CHRNA5: variants seen among roughly 807,000 people sequenced by gnomAD.
The protein encoded by CHRNA5 is neuronal acetylcholine receptor subunit alpha-5.
Under a neutral mutation model 41.2 loss-of-function variants are expected in CHRNA5, and 28 were observed. The ratio of observed to expected loss-of-function variants is 0.68; its 90% CI spans 0.50 to 0.93. The LOEUF (loss-of-function observed/expected upper bound fraction) is 0.93, where lower values mean the gene tolerates loss of function less well. CHRNA5 is among the 40% of genes least tolerant of loss of function. The pLI, the probability that CHRNA5 is intolerant of heterozygous loss-of-function variation, is 0.00. For synonymous variants in CHRNA5, 188 were observed against 205.8 expected (o/e 0.91, Z 0.74); for missense variants, 481 against 581.9 (o/e 0.83, Z 1.78).
At chr15:78,585,791 C>CGTTTTTT (rs1555415937) in intron 2 of CHRNA5, among the ~76,000 whole-genome samples, 1 of 130,612 alleles carries the variant, frequency 7.7e-6, no homozygotes. Flanking sequence ...TCTTTTCTTT[C>CGTTTTTT]TTTTTTTTTT....
rs1183230524 is a variant in CHRNA5, at chr15:78,581,969, CTTA to C, written c.258+1012_258+1014del. The stretch of plus-strand genomic sequence containing the variant: ...GAACAGAAGCTTGTTTCCAATTTTT[CTTA>C]TTATAATTAACAATGATGAATATAT... On this transcript the variant is annotated intron_variant, in intron 2 of 5. Transcript: ENST00000299565. Among the ~76,000 whole-genome samples the C allele has an allele frequency of 2.0e-5, 3 of 152,218 alleles. No individual in the cohort carries two copies. In the South Asian group the frequency reaches 6.2e-4, roughly 32 times the overall value.
chr15:78,567,232 A>G (rs1567048718), intron 1 of CHRNA5, among the ~76,000 whole-genome samples: 1 of 150,882 alleles, frequency 6.6e-6, no homozygotes, highest in Non-Finnish European at 1.5e-5. Flanking sequence ...CAGCCTGGGC[A>G]ACACAGCGAG....
chr15:78,576,825 A>G (rs566722818), intron 1 of CHRNA5, among the ~76,000 whole-genome samples: 138 of 152,012 alleles, frequency 9.1e-4, no homozygotes, highest in Non-Finnish European at 1.3e-3. Context: ...AAAAAAAGCA[A>G]TTACTGTCAT....
chr15:78,589,702 C>A, intron 4 of CHRNA5, 103 bp from the exon 5 acceptor site: 1 of 881,432 alleles, frequency 1.1e-6, no homozygotes, highest in Non-Finnish European at 1.7e-6. Context: ...AAAATTATTT[C>A]ATGCAATCAA....
intron 2 of CHRNA5, among the ~76,000 whole-genome samples, chr15:78,585,708 C>T (rs2052952821): frequency 6.6e-6 from 1 of 151,800 alleles, no homozygotes; most frequent in African/African-American, 2.4e-5. Flanking sequence ...CAGTTCTCTA[C>T]AAAAGTAGGC....
intron 1 of CHRNA5, among the ~76,000 whole-genome samples, chr15:78,566,109 A>G (rs1035430394): frequency 1.3e-5 from 2 of 152,098 alleles, no homozygotes; most frequent in African/African-American, 4.8e-5. Flanking sequence ...CTTTTTCAGT[A>G]AAAGATGCCA....
chr15:78,579,663 A>G (rs1308298103), intron 1 of CHRNA5, among the ~76,000 whole-genome samples: 1 of 152,158 alleles, frequency 6.6e-6, no homozygotes, highest in Admixed American at 6.6e-5. Context: ...TCTGTCTTAA[A>G]CATACTGCAG....
intron 1 of CHRNA5, among the ~76,000 whole-genome samples, chr15:78,566,531 C>G (rs913138741): frequency 1.3e-5 from 2 of 152,102 alleles, no homozygotes; most frequent in Admixed American, 1.3e-4. Context: ...CTCTCAATAC[C>G]TTGAAGAAAA....
chr15:78,569,071 T>C (rs1329275899), intron 1 of CHRNA5, among the ~76,000 whole-genome samples: 1 of 152,238 alleles, frequency 6.6e-6, no homozygotes, highest in African/African-American at 2.4e-5. Flanking sequence ...CACAATTTAA[T>C]TTGCAATTTA....
chr15:78,577,920 C>A lies in CHRNA5; in HGVS notation c.107-2891C>A, dbSNP rs2052873015. On this transcript the variant is annotated intron_variant, in intron 1 of 5. Transcript: ENST00000299565. ...CACTCCAGACTGAGTGACAGAGACC[C>A]TGTCTCAAAAAAAAAAAAAAAGACA... is the stretch of plus-strand genomic sequence containing the variant. Among the ~76,000 whole-genome samples, 4 of 96,734 alleles carry A rather than the reference C, an allele frequency of 4.1e-5. No individual in the cohort carries two copies. The Admixed American group carries it at 5.5e-4, about 13-fold the overall frequency. The allele number at this position is 96,734 out of a possible 152,430, so 63.5% of individuals were successfully genotyped here.
chr15:78,582,804 A>T (rs1253758286), intron 2 of CHRNA5, among the ~76,000 whole-genome samples: 1 of 152,192 alleles, frequency 6.6e-6, no homozygotes, highest in Non-Finnish European at 1.5e-5. Context: ...GTTTAGATCA[A>T]AAGATGAATG....
chr15:78,566,244 C>T (rs1289801550), intron 1 of CHRNA5, among the ~76,000 whole-genome samples: 1 of 152,076 alleles, frequency 6.6e-6, no homozygotes, highest in South Asian at 2.1e-4. Context: ...ACCTCCTGCC[C>T]GCCGCCTCTT....
intron 1 of CHRNA5, among the ~76,000 whole-genome samples, chr15:78,572,175 A>G (rs934816539): frequency 6.6e-6 from 1 of 152,190 alleles, no homozygotes; most frequent in Non-Finnish European, 1.5e-5. Flanking sequence ...GAAGAAAAGG[A>G]AGATATTGGC....
At chr15:78,594,862 C>T (rs1395339722) in exon 6 of CHRNA5, 1 of 152,130 alleles carries the variant, frequency 6.6e-6, no homozygotes, top group Non-Finnish European at 1.5e-5. Flanking sequence ...CAATCTTAGC[C>T]TATTACTAGT....
chr15:78,578,607 G>C (rs886309767), intron 1 of CHRNA5, among the ~76,000 whole-genome samples: 15 of 152,292 alleles, frequency 9.8e-5, no homozygotes, highest in African/African-American at 1.7e-4. Flanking sequence ...ATGAAAAAGA[G>C]AACCAGGAAA....
intron 1 of CHRNA5, among the ~76,000 whole-genome samples, chr15:78,567,132 A>T (rs2052757592): frequency 6.6e-6 from 1 of 152,102 alleles, no homozygotes; most frequent in African/African-American, 2.4e-5. Context: ...GCGCGCCTGT[A>T]GTCCCAGCTA....
chr15:78,585,673 G>T (rs566192219), intron 2 of CHRNA5, among the ~76,000 whole-genome samples: 2 of 152,242 alleles, frequency 1.3e-5, no homozygotes, highest in African/African-American at 4.8e-5. Flanking sequence ...GCAGAGAGGT[G>T]TAAGTGAGAA....
intron 1 of CHRNA5, 79 bp downstream of exon 1, chr15:78,565,904 C>A: frequency 1.1e-6 from 1 of 877,712 alleles, no homozygotes; most frequent in Non-Finnish European, 1.5e-6. Context: ...CGCCAGGCGA[C>A]GGCCGCCGGA....
chr15:78,589,876 C>T, exon 5 of CHRNA5: 1 of 1,613,998 alleles, frequency 6.2e-7, no homozygotes, highest in Non-Finnish European at 8.5e-7. Context: ...ACCTGGACTC[C>T]ACCGGCAAAC....
Sources: gnomAD v4.1 joint callset for allele counts (sites outside exome capture counted in the v4.1 genomes callset) on GRCh38, gnomAD v4.1.1 for gene constraint, MANE v1.5 for transcripts, NCBI Gene and HGNC (gene_info 2026-07-23, HGNC 2026-07-21) for gene names.